Variants in ATXN1 observed in about 807,000 individuals in gnomAD.
ATXN1 encodes ataxin 1, also known as ataxin-1.
Under a neutral mutation model 56.4 loss-of-function variants are expected in ATXN1, and 8 were observed. The ratio of observed to expected loss-of-function variants is 0.14; its 90% CI spans 0.08 to 0.26. The LOEUF is 0.26. Among genes scored for constraint, ATXN1 ranks in the 10% least tolerant of loss-of-function variants. The pLI is 1.00. For synonymous variants in ATXN1, 514 were observed against 494.6 expected, an observed-to-expected ratio of 1.04 and a Z score of -0.52; for missense variants, 987 against 1,106.5, an observed-to-expected ratio of 0.89 and a Z score of 1.53.
At chr6:16,610,123 G>T (rs1440507815) in intron 3 of ATXN1, among the ~76,000 whole-genome samples, 1 of 151,982 alleles carries the variant, frequency 6.6e-6, no homozygotes, top group African/African-American at 2.4e-5. Context: ...AGATGCTAAT[G>T]GATACAGGAG....
At chr6:16,344,786 T>C (rs552777664) in intron 6 of ATXN1, among the ~76,000 whole-genome samples, 7 of 152,228 alleles carry the variant, frequency 4.6e-5, no homozygotes, top group Non-Finnish European at 1.0e-4. Flanking sequence ...TATTCCTTAA[T>C]AAACTCCCCT....
chr6:16,740,363 A>T (rs1473089516), intron 2 of ATXN1, among the ~76,000 whole-genome samples: 1 of 152,218 alleles, frequency 6.6e-6, no homozygotes, highest in Non-Finnish European at 1.5e-5. Context: ...AATAAAGCTG[A>T]TTCACAGGTG....
At chr6:16,660,015 G>A (rs970362804) in intron 2 of ATXN1, among the ~76,000 whole-genome samples, 1 of 152,154 alleles carries the variant, frequency 6.6e-6, no homozygotes, top group African/African-American at 2.4e-5. Flanking sequence ...TGAAGGAGTT[G>A]GAAGTGATTC....
chr6:16,721,192 G>A (rs1385852592), intron 2 of ATXN1, among the ~76,000 whole-genome samples: 4 of 152,182 alleles, frequency 2.6e-5, no homozygotes, highest in Admixed American at 6.6e-5. Context: ...GTCTCATGCC[G>A]AGCAATTTCT....
Position 16,299,776 on chromosome 6 carries a change from G to A in ATXN1, c.*6553C>T, listed in dbSNP as rs1581673318. 2 of 152,586 alleles carry A rather than the reference G, an allele frequency of 1.3e-5. No homozygotes were observed. Among genetic ancestry groups the A allele is most frequent in the African/African-American group, 2.4e-5 (1 of 41,406 alleles). 9.5% of individuals were successfully genotyped at this position (152,586 alleles called of 1,614,324 possible). ...CAGGACTATCTTGAAACCTCCTTTC[G>A]GCTGACACTAATTTGGGTTTAGAGT... is the stretch of plus-strand genomic sequence containing the variant. On this transcript the variant is annotated 3_prime_UTR_variant, in exon 8 of 8. Coordinates refer to ENST00000436367, the MANE Select transcript of ATXN1 (RefSeq NM_001128164.2).
chr6:16,430,096 C>A (rs184532682), intron 6 of ATXN1, among the ~76,000 whole-genome samples: 1 of 152,042 alleles, frequency 6.6e-6, no homozygotes, highest in Admixed American at 6.5e-5. Flanking sequence ...GAAAAAAATT[C>A]TGAAGTTTAC....
chr6:16,307,641 G>A (rs1245340889), intron 7 of ATXN1, among the ~76,000 whole-genome samples: 1 of 146,912 alleles, frequency 6.8e-6, no homozygotes, highest in East Asian at 2.0e-4. Context: ...GCCACTGGGC[G>A]ATCCAGCCTG....
rs10701438 is a variant in ATXN1 at position 16,679,276 on chromosome 6, G to GTGGATGGATGGATGGATGGA, written c.-614-21395_-614-21376dup. On this transcript the variant is annotated intron_variant, in intron 2 of 7. Coordinates refer to ENST00000436367, the MANE Select transcript of ATXN1 (RefSeq NM_001128164.2). Reference sequence around the variant, plus strand: ...GATGGATGGATGGATGAGTTAGTGGGTGGATGGATGGATGGATGGATGGAT... The same window carrying GTGGATGGATGGATGGATGGA: ...GATGGATGGATGGATGAGTTAGTGGGTGGATGGATGGATGGATGGATGGATGGATGGATGGATGGATGGAT... Among the ~76,000 whole-genome samples the GTGGATGGATGGATGGATGGA allele has an allele frequency of 2.2e-5, 3 of 138,176 alleles. 1 individual carries two copies. Among genetic ancestry groups the GTGGATGGATGGATGGATGGA allele is most frequent in the African/African-American group, 8.5e-5 (3 of 35,420 alleles). The allele number at this position is 138,176 out of a possible 152,430, so 90.6% of individuals were successfully genotyped here. A position where few individuals can be genotyped will look rare whatever the true frequency, so the allele number is the denominator to read the frequency against.
At chr6:16,348,630 G>A (rs982905068) in intron 6 of ATXN1, among the ~76,000 whole-genome samples, 9 of 152,112 alleles carry the variant, frequency 5.9e-5, no homozygotes, top group African/African-American at 1.4e-4. Context: ...GCGAGGTGGA[G>A]GTTGCAGCGA....
intron 6 of ATXN1, among the ~76,000 whole-genome samples, chr6:16,421,122 T>C (rs1759023104): frequency 6.6e-6 from 1 of 152,208 alleles, no homozygotes; most frequent in South Asian, 2.1e-4. Context: ...GGGGCAGCTT[T>C]GTATTTATTT....
intron 3 of ATXN1, among the ~76,000 whole-genome samples, chr6:16,635,366 T>C (rs1425641178): frequency 6.6e-6 from 1 of 152,152 alleles, no homozygotes; most frequent in Admixed American, 6.5e-5. Flanking sequence ...TGAATATAAA[T>C]GCATTTGAAT....
chr6:16,554,110 T>C (rs186313455), intron 4 of ATXN1, among the ~76,000 whole-genome samples: 135 of 152,320 alleles, frequency 8.9e-4, no homozygotes, highest in African/African-American at 3.1e-3. Flanking sequence ...TTAGGATATG[T>C]CTATGCCACA....
At chr6:16,649,051 C>A (rs1340669177) in intron 3 of ATXN1, among the ~76,000 whole-genome samples, 2 of 151,938 alleles carry the variant, frequency 1.3e-5, no homozygotes, top group African/African-American at 2.4e-5. Context: ...GAGCAGCGTG[C>A]CTCACACACT....
chr6:16,395,524 A>G (rs1758437475), intron 6 of ATXN1, among the ~76,000 whole-genome samples: 1 of 152,182 alleles, frequency 6.6e-6, no homozygotes, highest in African/African-American at 2.4e-5. Flanking sequence ...GTAATAGTGT[A>G]ATACATTACT....
At chr6:16,322,632 C>A (rs1026438205) in intron 7 of ATXN1, among the ~76,000 whole-genome samples, 1 of 152,178 alleles carries the variant, frequency 6.6e-6, no homozygotes, top group African/African-American at 2.4e-5. Flanking sequence ...CAGGAAGATT[C>A]TTCAGGCTAG....
chr6:16,753,032 A>G (rs2113535599), intron 2 of ATXN1: 1 of 342,730 alleles, frequency 2.9e-6, no homozygotes, highest in Non-Finnish European at 5.8e-6. Flanking sequence ...TATAGATTAA[A>G]CCAAATAGAT....
At position 16,299,173 on chromosome 6, in the gene ATXN1, TACAG is replaced by T. The variant is rs1261200673; in HGVS notation, c.*7152_*7155del. On this transcript the variant is annotated 3_prime_UTR_variant, in exon 8 of 8. Coordinates refer to ENST00000436367, the MANE Select transcript of ATXN1 (RefSeq NM_001128164.2). ...CTGAAACAATAAACTTGTACTGGTA[TACAG>T]ACAATTTATTTAAAACAATTTTGTT... 6.6e-6 allele frequency: 1 copy of T among 152,650 alleles called. No individual in the cohort carries two copies. Among genetic ancestry groups the T allele is most frequent in the East Asian group, 1.9e-4 (1 of 5,202 alleles). 9.5% of individuals were successfully genotyped at this position (152,650 alleles called of 1,614,324 possible). A position where few individuals can be genotyped will look rare whatever the true frequency, so the allele number is the denominator to read the frequency against.
chr6:16,531,581 C>A (rs1253885714), intron 4 of ATXN1, among the ~76,000 whole-genome samples: 2 of 151,088 alleles, frequency 1.3e-5, no homozygotes, highest in Non-Finnish European at 2.9e-5. Context: ...CGAGATCATG[C>A]CATTGCACTC....
At chr6:16,567,933 A>G (rs1048118743) in intron 4 of ATXN1, among the ~76,000 whole-genome samples, 2 of 151,870 alleles carry the variant, frequency 1.3e-5, no homozygotes, top group African/African-American at 4.8e-5. Context: ...ATGTTAACTA[A>G]AGTATTTTCC....
Sources: allele counts gnomAD v4.1 joint callset (sites outside exome capture counted in the v4.1 genomes callset), GRCh38; gene constraint gnomAD v4.1.1; transcripts MANE v1.5; gene names NCBI Gene and HGNC (gene_info 2026-07-23, HGNC 2026-07-21).